Variants in PAICS observed in about 807,000 individuals in gnomAD.
The protein encoded by PAICS is phosphoribosylaminoimidazole carboxylase and phosphoribosylaminoimidazolesuccinocarboxamide synthase.
A neutral mutation model predicts 53.7 loss-of-function variants in PAICS; 33 were observed. The ratio of observed to expected loss-of-function variants is 0.61; its 90% CI spans 0.47 to 0.82. PAICS has a LOEUF of 0.82. PAICS is among the 40% of genes least tolerant of loss of function. The pLI is 0.00. For synonymous variants in PAICS, 141 were observed against 167.2 expected (o/e 0.84, Z 1.21); for missense variants, 394 against 494.1 (o/e 0.80, Z 1.92).
At chr4:56,435,133 G>A (rs1307117481), upstream of PAICS, among the ~76,000 whole-genome samples, 1 of 152,188 alleles carries the variant, frequency 6.6e-6, no homozygotes, top group African/African-American at 2.4e-5. Flanking sequence ...AAAGGCATAA[G>A]TGGCTGGGAG....
At chr4:56,448,663 C>T in intron 4 of PAICS, 47 bp from the exon 5 acceptor site, 1 of 1,510,506 alleles carries the variant, frequency 6.6e-7, no homozygotes, top group African/African-American at 1.4e-5. Context: ...TTGAGAGATG[C>T]TTTCATAAAA....
chr4:56,433,165 G>A (rs1465307009), upstream of PAICS, among the ~76,000 whole-genome samples: 2 of 151,912 alleles, frequency 1.3e-5, no homozygotes, highest in Non-Finnish European at 2.9e-5. Flanking sequence ...TTTAGCTCAT[G>A]TAAAATTTTG....
At position 56,446,690 on chromosome 4, in the gene PAICS, T is replaced by C. The variant is rs1718636349; in HGVS notation, c.215-5T>C. On this transcript the variant is annotated splice_region_variant and splice_polypyrimidine_tract_variant and intron_variant, in intron 2 of 8. Transcript: ENST00000512576. ...CCTTTTTTAACTTTGGTTATCAATATGTAGGTATTAAAACTGCCTTCACCA... is the reference window on the plus strand; with the variant it reads ...CCTTTTTTAACTTTGGTTATCAATACGTAGGTATTAAAACTGCCTTCACCA... 1.9e-6 allele frequency: 3 copies of C among 1,566,020 alleles called. No individual in the cohort carries two copies. The highest frequency in any genetic ancestry group is 1.4e-5 in the African/African-American group (1 of 74,032).
At chr4:56,424,414 AG>A in the PAICS span, among the ~76,000 whole-genome samples, 1 of 152,318 alleles carries the variant, frequency 6.6e-6, no homozygotes, top group African/African-American at 2.4e-5. Flanking sequence ...AGACCAGCAG[AG>A]GACTGATTCA....
chr4:56,439,815 G>C (rs1718246912), intron 1 of PAICS, among the ~76,000 whole-genome samples: 1 of 152,030 alleles, frequency 6.6e-6, no homozygotes, highest in South Asian at 2.1e-4. Flanking sequence ...GGTAGAGATG[G>C]GATTTTGCCC....
At chr4:56,433,969 C>T (rs548007787), upstream of PAICS, among the ~76,000 whole-genome samples, 1 of 152,178 alleles carries the variant, frequency 6.6e-6, no homozygotes, top group African/African-American at 2.4e-5. Flanking sequence ...GGATTACAGG[C>T]GTGAGCCACC....
intron 7 of PAICS, 148 bp downstream of exon 7, chr4:56,452,200 A>AT (rs781282423): frequency 1.4e-5 from 8 of 578,810 alleles, no homozygotes; most frequent in Non-Finnish European, 2.1e-5. Flanking sequence ...TTTTTTTGAG[A>AT]TGGAGTCTCA....
chr4:56,423,750 C>A, the PAICS span, among the ~76,000 whole-genome samples: 4 of 151,678 alleles, frequency 2.6e-5, no homozygotes, highest in African/African-American at 7.3e-5. Flanking sequence ...GCATAGTCAT[C>A]CTAGAGATTA....
At chr4:56,456,045 A>G (rs531494399) in intron 8 of PAICS, among the ~76,000 whole-genome samples, 18 of 152,188 alleles carry the variant, frequency 1.2e-4, no homozygotes, top group African/African-American at 4.3e-4. Flanking sequence ...TTGTTGGTAT[A>G]CTTTCTGGAA....
the PAICS span, among the ~76,000 whole-genome samples, chr4:56,416,095 T>G: frequency 1.3e-5 from 2 of 151,802 alleles, no homozygotes; most frequent in African/African-American, 4.8e-5. Flanking sequence ...GTAATTTAAC[T>G]TGAAAACTAA....
At chr4:56,428,336 G>A in the PAICS span, among the ~76,000 whole-genome samples, 2 of 152,180 alleles carry the variant, frequency 1.3e-5, no homozygotes, top group Non-Finnish European at 2.9e-5. Flanking sequence ...AGTGAGGTCA[G>A]AGCATTGATA....
intron 6 of PAICS, 123 bp from the exon 7 acceptor site, chr4:56,451,749 G>A (rs745598681): frequency 1.9e-6 from 1 of 534,934 alleles, no homozygotes; most frequent in Non-Finnish European, 3.2e-6. Flanking sequence ...GTTTGTCTCT[G>A]TCTTAAATTT....
At position 56,448,699 on chromosome 4, in the gene PAICS, G is replaced by A; in HGVS notation, c.574-11G>A. 1 of 1,541,400 alleles carries A rather than the reference G, an allele frequency of 6.5e-7. No individual in the cohort carries two copies. Among genetic ancestry groups the A allele is most frequent in the Non-Finnish European group, 8.9e-7 (1 of 1,124,864 alleles). On this transcript the variant is annotated splice_polypyrimidine_tract_variant and intron_variant, in intron 4 of 8. Coordinates refer to ENST00000512576, the MANE Select transcript of PAICS (RefSeq NM_001079524.2). ...TAGTTTTTGAAAACTTTGTTGACATGCTGTTTCCAGATTGAATTTGGTGTT... is the reference window on the plus strand; with the variant it reads ...TAGTTTTTGAAAACTTTGTTGACATACTGTTTCCAGATTGAATTTGGTGTT...
the PAICS span, among the ~76,000 whole-genome samples, chr4:56,413,000 C>G: frequency 1.1e-5 from 1 of 89,432 alleles, no homozygotes; most frequent in Non-Finnish European, 2.3e-5. Flanking sequence ...TAATATTTAA[C>G]TGAGTGTGGG....
upstream of PAICS, among the ~76,000 whole-genome samples, chr4:56,431,973 G>A (rs998060019): frequency 2.2e-4 from 33 of 152,134 alleles, no homozygotes; most frequent in African/African-American, 7.5e-4. Context: ...GCAGAGCTAC[G>A]GAATAAATCT....
At chr4:56,411,639 A>T in the PAICS span, among the ~76,000 whole-genome samples, 1 of 152,196 alleles carries the variant, frequency 6.6e-6, no homozygotes. Flanking sequence ...AATCTTATAG[A>T]TGCTATTTCA....
chr4:56,436,303 A>T lies in PAICS; in HGVS notation c.-10A>T, dbSNP rs181193549. 1.9e-6 allele frequency: 3 copies of T among 1,601,922 alleles called. No homozygotes were observed. Among genetic ancestry groups the T allele is most frequent in the Non-Finnish European group, 1.7e-6 (2 of 1,174,828 alleles). Reference sequence around the variant, plus strand: ...CCGGCGCGGTCGCAGCCCTCAGCCCACTTAGGATAATGGCGACAGCTGAGG... The same window carrying T: ...CCGGCGCGGTCGCAGCCCTCAGCCCTCTTAGGATAATGGCGACAGCTGAGG... On this transcript the variant is annotated 5_prime_UTR_variant, in exon 1 of 9. Coordinates refer to ENST00000512576, the MANE Select transcript of PAICS (RefSeq NM_001079524.2).
intron 6 of PAICS, among the ~76,000 whole-genome samples, chr4:56,451,465 A>G (rs1392581674): frequency 2.6e-5 from 4 of 152,218 alleles, no homozygotes; most frequent in Admixed American, 6.5e-5. Context: ...ATAGGAATAT[A>G]TATTTTGAGT....
the PAICS span, among the ~76,000 whole-genome samples, chr4:56,418,259 C>G: frequency 6.6e-6 from 1 of 152,166 alleles, no homozygotes; most frequent in Admixed American, 6.5e-5. Flanking sequence ...GCAGTGGTCT[C>G]TCCACTACAC....
Sources: gnomAD v4.1 joint callset for allele counts (sites outside exome capture counted in the v4.1 genomes callset) on GRCh38, gnomAD v4.1.1 for gene constraint, MANE v1.5 for transcripts, NCBI Gene and HGNC (gene_info 2026-07-23, HGNC 2026-07-21) for gene names.